TECRL: variants seen among roughly 807,000 people sequenced by gnomAD.
TECRL encodes the protein trans-2,3-enoyl-CoA reductase-like.
In TECRL, 63 loss-of-function variants were observed where a neutral mutation model predicts 52.8. The observed-to-expected ratio is 1.19, with a 90% confidence interval of 0.97 to 1.47. TECRL has a LOEUF of 1.47. Among genes scored for constraint, TECRL ranks in the 40% most tolerant of loss-of-function variants. The pLI is 0.00. For synonymous variants in TECRL, 164 were observed against 141.9 expected (o/e 1.16, Z -1.10); for missense variants, 482 against 429.6 (o/e 1.12, Z -1.08).
chr4:64,329,641 T>G (rs1260727395), intron 2 of TECRL, among the ~76,000 whole-genome samples: 2 of 151,980 alleles, frequency 1.3e-5, no homozygotes, highest in East Asian at 3.9e-4. Context: ...AACTAGTAAA[T>G]CAAAACATAA....
intron 8 of TECRL, among the ~76,000 whole-genome samples, chr4:64,291,901 G>A (rs1723411434): frequency 6.6e-6 from 1 of 151,908 alleles, no homozygotes. Flanking sequence ...TGGTAAGAGT[G>A]GGGAGAAAAA....
At chr4:64,326,542 C>T (rs1718274946) in intron 3 of TECRL, among the ~76,000 whole-genome samples, 1 of 152,078 alleles carries the variant, frequency 6.6e-6, no homozygotes, top group Admixed American at 6.6e-5. Flanking sequence ...TTCTTTAGTA[C>T]CTCTGCTCAT....
intron 1 of TECRL, among the ~76,000 whole-genome samples, chr4:64,385,127 C>T (rs1723085591): frequency 6.6e-6 from 1 of 152,126 alleles, no homozygotes; most frequent in African/African-American, 2.4e-5. Context: ...CCTGCACAAT[C>T]CTCATAGAGG....
Position 64,329,787 on chromosome 4 carries a change from C to A in TECRL, c.287-1231G>T, listed in dbSNP as rs1452069147. ...TTTACAATAATAATAAATAAATACC[C>A]CAAATATAGCCGTGATATTAAAAGT... is the stretch of plus-strand genomic sequence containing the variant. On this transcript the variant is annotated intron_variant, in intron 2 of 11. Transcript: ENST00000381210. 2.0e-5 allele frequency among the ~76,000 whole-genome samples: 3 copies of A among 151,266 alleles called. No homozygotes were observed. The South Asian group carries it at 6.3e-4, about 32-fold the overall frequency.
chr4:64,405,391 T>C (rs1009426806), intron 1 of TECRL, among the ~76,000 whole-genome samples: 1 of 152,072 alleles, frequency 6.6e-6, no homozygotes, highest in Admixed American at 6.6e-5. Context: ...GCCAAGAAGA[T>C]GGATTGTATG....
intron 3 of TECRL, among the ~76,000 whole-genome samples, chr4:64,328,052 G>T (rs1577878558): frequency 6.6e-6 from 1 of 152,008 alleles, no homozygotes; most frequent in East Asian, 1.9e-4. Context: ...TGAGATCATA[G>T]GGTTTAAAAA....
chr4:64,377,036 T>G (rs1722447069), intron 1 of TECRL, among the ~76,000 whole-genome samples: 1 of 152,024 alleles, frequency 6.6e-6, no homozygotes, highest in Admixed American at 6.6e-5. Flanking sequence ...ACTTCTAATT[T>G]GATATATGCT....
At chr4:64,324,220 CT>C (rs1214442002) in intron 3 of TECRL, among the ~76,000 whole-genome samples, 1 of 151,978 alleles carries the variant, frequency 6.6e-6, no homozygotes, top group African/African-American at 2.4e-5. Flanking sequence ...AAAAAAATAT[CT>C]TTTTAAGCAC....
chr4:64,287,758 T>G lies in TECRL; in HGVS notation c.832+1952A>C, dbSNP rs547666668. Among the ~76,000 whole-genome samples the G allele has an allele frequency of 7.2e-5, 11 of 152,330 alleles. No individual in the cohort carries two copies. In the South Asian group the frequency reaches 1.2e-3, roughly 17 times the overall value. Reference sequence around the variant, plus strand: ...TTTCTCACTTTATGTTTTTTGCTAATGACTTATTACTTGCTGGTATTTTAT... The same window carrying G: ...TTTCTCACTTTATGTTTTTTGCTAAGGACTTATTACTTGCTGGTATTTTAT... On this transcript the variant is annotated intron_variant, in intron 9 of 11. Transcript: ENST00000381210.
At chr4:64,324,511 C>T (rs116256634) in intron 3 of TECRL, among the ~76,000 whole-genome samples, 2,172 of 151,920 alleles carry the variant, frequency 0.014, 63 homozygotes, top group African/African-American at 0.049. Flanking sequence ...AGTTAATTTG[C>T]ATCTACCATT....
chr4:64,365,682 T>G (rs535286886), intron 2 of TECRL, among the ~76,000 whole-genome samples: 126 of 151,992 alleles, frequency 8.3e-4, no homozygotes, highest in African/African-American at 2.9e-3. Flanking sequence ...GAGAGGTAGA[T>G]GATGTCTACA....
At chr4:64,303,628 G>C (rs1724147508) in intron 7 of TECRL, among the ~76,000 whole-genome samples, 1 of 151,642 alleles carries the variant, frequency 6.6e-6, no homozygotes, top group Non-Finnish European at 1.5e-5. Flanking sequence ...ATTTTCATGA[G>C]GATTCAATGA....
intron 2 of TECRL, among the ~76,000 whole-genome samples, chr4:64,372,970 T>C (rs562307678): frequency 1.1e-4 from 17 of 151,750 alleles, no homozygotes; most frequent in Admixed American, 9.9e-4. Flanking sequence ...AAATATAAGA[T>C]CCTAAGGCAA....
At chr4:64,281,880 G>A (rs1218243045) in intron 9 of TECRL, among the ~76,000 whole-genome samples, 1 of 151,768 alleles carries the variant, frequency 6.6e-6, no homozygotes, top group Non-Finnish European at 1.5e-5. Context: ...GATTGAAATA[G>A]TACTACATGC....
chr4:64,309,210 T>C (rs1166156758), intron 6 of TECRL, among the ~76,000 whole-genome samples: 1 of 152,176 alleles, frequency 6.6e-6, no homozygotes, highest in East Asian at 1.9e-4. Flanking sequence ...AGCAGATATT[T>C]GACAAAAAAC....
intron 2 of TECRL, among the ~76,000 whole-genome samples, chr4:64,334,875 A>C (rs540783273): frequency 6.6e-6 from 1 of 152,332 alleles, no homozygotes; most frequent in East Asian, 1.9e-4. Context: ...ATTTGTAACC[A>C]GTGTGCTCAC....
chr4:64,387,528 C>T (rs1723261701), intron 1 of TECRL, among the ~76,000 whole-genome samples: 1 of 152,084 alleles, frequency 6.6e-6, no homozygotes, highest in Non-Finnish European at 1.5e-5. Context: ...TTCCTAAAAG[C>T]AATGAATGAG....
chr4:64,288,409 G>A lies in TECRL; in HGVS notation c.832+1301C>T, dbSNP rs6551813. Among the ~76,000 whole-genome samples the A allele has an allele frequency of 0.92, 140,483 of 152,086 alleles. 65,044 individuals are homozygous for A. Among genetic ancestry groups the A allele is most frequent in the East Asian group, 1 (5,135 of 5,158 alleles). On this transcript the variant is annotated intron_variant, in intron 9 of 11. Transcript: ENST00000381210. ...GTTGCTGAAGAACTCAACATCGACC[G>A]TTCTACAGTCCTCAGGCATTTGAAG...
At chr4:64,345,614 T>C (rs572304211) in intron 2 of TECRL, among the ~76,000 whole-genome samples, 2 of 150,450 alleles carry the variant, frequency 1.3e-5, no homozygotes, top group South Asian at 2.1e-4. Context: ...GATGAGTTAA[T>C]AGGTGCAGCA....
Sources: allele counts gnomAD v4.1 joint callset (sites outside exome capture counted in the v4.1 genomes callset), GRCh38; gene constraint gnomAD v4.1.1; transcripts MANE v1.5; gene names NCBI Gene and HGNC (gene_info 2026-07-23, HGNC 2026-07-21).